FBXL18: variants seen among roughly 807,000 people sequenced by gnomAD.
The protein encoded by FBXL18 is F-box/LRR-repeat protein 18.
FBXL18 carries 36 observed loss-of-function variants against 46.0 expected under a neutral mutation model. That is an observed-to-expected ratio of 0.78 (90% CI 0.60 to 1.03). The LOEUF is 1.03. Ranked by LOEUF, FBXL18 falls within the 50% of genes least tolerant of loss-of-function variation. FBXL18 has a pLI of 0.00. For missense variants in FBXL18, 977 were observed against 1,004.1 expected, an observed-to-expected ratio of 0.97 and a Z score of 0.36; for synonymous variants, 557 against 465.3, an observed-to-expected ratio of 1.20 and a Z score of -2.54.
chr7:5,468,077 G>A (rs1460329443), intron 4 of FBXL18, among the ~76,000 whole-genome samples: 1 of 151,816 alleles, frequency 6.6e-6, no homozygotes, highest in Non-Finnish European at 1.5e-5. Context: ...CTGCCTCCCG[G>A]GTTCAAGCAA....
chr7:5,492,007 C>T (rs939853749), intron 3 of FBXL18, among the ~76,000 whole-genome samples: 1 of 151,404 alleles, frequency 6.6e-6, no homozygotes, highest in East Asian at 1.9e-4. Context: ...GCCACTTCAG[C>T]CACGACAGAT....
At chr7:5,467,225 C>T (rs939920869) in intron 4 of FBXL18, among the ~76,000 whole-genome samples, 37 of 152,228 alleles carry the variant, frequency 2.4e-4, no homozygotes, top group Non-Finnish European at 4.9e-4. Context: ...GTGGCGAGCG[C>T]CTGTAGTCCC....
chr7:5,480,179 C>T lies in FBXL18; in HGVS notation c.*1596G>A, dbSNP rs1403146080. Among the ~76,000 whole-genome samples, 1 of 152,168 alleles carries T rather than the reference C, an allele frequency of 6.6e-6. No homozygotes were observed. The highest frequency in any genetic ancestry group is 2.4e-5 in the African/African-American group (1 of 41,442). On this transcript the variant is annotated 3_prime_UTR_variant, in exon 5 of 5. Transcript: ENST00000382368. ...CAGCAAAGCAAATGTGAGACACCAC[C>T]CCACAGGACGGGGCATCTGTCACAC...
At chr7:5,468,294 T>C (rs962191540) in intron 4 of FBXL18, among the ~76,000 whole-genome samples, 9 of 152,162 alleles carry the variant, frequency 5.9e-5, no homozygotes, top group Admixed American at 1.3e-4. Context: ...TGTTTTTGTA[T>C]TTTTAGTAGA....
At chr7:5,468,136 C>G (rs942567262) in intron 4 of FBXL18, among the ~76,000 whole-genome samples, 1 of 152,158 alleles carries the variant, frequency 6.6e-6, no homozygotes, top group Non-Finnish European at 1.5e-5. Context: ...GCGCCCGCCA[C>G]CACACCCAGC....
intron 4 of FBXL18, among the ~76,000 whole-genome samples, chr7:5,461,320 G>A (rs4075996): frequency 0.77 from 117,826 of 152,216 alleles, 46,804 homozygotes; most frequent in East Asian, 0.95. Flanking sequence ...TAATCCCAGC[G>A]CTTTGGCAGG....
intron 1 of FBXL18, among the ~76,000 whole-genome samples, chr7:5,507,075 C>T (rs12532789): frequency 0.23 from 34,968 of 152,022 alleles, 4,617 homozygotes; most frequent in Middle Eastern, 0.31. Context: ...AAGACCACGC[C>T]GAGGAGAGAG....
chr7:5,511,129 G>A (rs1388413356), intron 1 of FBXL18, among the ~76,000 whole-genome samples: 1 of 152,122 alleles, frequency 6.6e-6, no homozygotes, highest in Non-Finnish European at 1.5e-5. Flanking sequence ...TTTCAAAAGT[G>A]AAGCAAAAGT....
chr7:5,500,599 C>T lies in FBXL18; in HGVS notation c.1670G>A (p.Cys557Tyr), dbSNP rs1316599473. 1.2e-6 allele frequency: 2 copies of T among 1,613,364 alleles called. No individual in the cohort carries two copies. Among genetic ancestry groups the T allele is most frequent in the Non-Finnish European group, 1.7e-6 (2 of 1,179,914 alleles). Residue 557 changes from cysteine (C) to tyrosine (Y), a missense_variant, in exon 3 of 5, where the codon TGC (cysteine) becomes TAC (tyrosine). Physicochemically the swap from Cys to Tyr is radical, Grantham distance 194 (BLOSUM62 -2). Transcript: ENST00000382368. ...CAGCGACAGGGACCGCAACTGCTGG[C>T]ACTGCAGGCCGATATTGACCAGCCC... ...GSGLVNIGLQ[C>Y]QQLRSLSLAN...
chr7:5,493,430 G>C (rs1264430082), intron 3 of FBXL18, among the ~76,000 whole-genome samples: 3 of 152,028 alleles, frequency 2.0e-5, no homozygotes, highest in Non-Finnish European at 4.4e-5. Flanking sequence ...CGAGTAGCTG[G>C]GACTACAGGC....
chr7:5,481,786 G>A lies in FBXL18; in HGVS notation c.2146C>T (p.Leu716=), dbSNP rs1194219085. The A allele has an allele frequency of 6.2e-7, 1 of 1,613,484 alleles. No individual in the cohort carries two copies. The highest frequency in any genetic ancestry group is 8.5e-7 in the Non-Finnish European group (1 of 1,179,972). ...GGCGGCTCCGCCTCTCACCACCACA[G>A]GTTCGGCGGTTCCTCGGCCACTCTG... ...KSRVAEEPPN[L]WW The change falls in exon 5 of 5, where the codon CTG becomes TTG. Residue 716 remains leucine, a synonymous_variant. Transcript: ENST00000382368.
intron 4 of FBXL18, among the ~76,000 whole-genome samples, chr7:5,461,842 G>A (rs1192139428): frequency 6.6e-6 from 1 of 152,204 alleles, no homozygotes; most frequent in African/African-American, 2.4e-5. Flanking sequence ...TCGAGAGGCT[G>A]AGGCAGGAGA....
chr7:5,507,417 C>T (rs990620591), intron 1 of FBXL18, among the ~76,000 whole-genome samples: 3 of 152,110 alleles, frequency 2.0e-5, no homozygotes, highest in African/African-American at 2.4e-5. Flanking sequence ...CAAAGAAGTA[C>T]CCTCCATCCT....
intron 4 of FBXL18, among the ~76,000 whole-genome samples, chr7:5,470,079 G>T (rs1003426960): frequency 6.6e-6 from 1 of 152,122 alleles, no homozygotes; most frequent in Non-Finnish European, 1.5e-5. Context: ...CCAGTCTGCG[G>T]GCGTGGGTGA....
downstream of FBXL18, among the ~76,000 whole-genome samples, chr7:5,474,625 C>T (rs1009408668): frequency 3.0e-5 from 4 of 134,472 alleles, no homozygotes; most frequent in South Asian, 2.4e-4. Flanking sequence ...TTGAACTATG[C>T]ACTTTATTTT....
intron 2 of FBXL18, among the ~76,000 whole-genome samples, chr7:5,503,689 C>T (rs1784324139): frequency 6.6e-6 from 1 of 152,094 alleles, no homozygotes; most frequent in Admixed American, 6.6e-5. Flanking sequence ...ATGCTCCAGG[C>T]CAGGCACAGT....
chr7:5,512,293 T>G (rs1784559453), intron 1 of FBXL18, among the ~76,000 whole-genome samples: 1 of 117,530 alleles, frequency 8.5e-6, no homozygotes, highest in Non-Finnish European at 1.7e-5. Context: ...TGTGAAGTGT[T>G]ATTTAAAAAA....
intron 4 of FBXL18, among the ~76,000 whole-genome samples, chr7:5,462,307 G>C (rs756986727): frequency 6.6e-6 from 1 of 152,280 alleles, no homozygotes; most frequent in East Asian, 1.9e-4. Context: ...TCATTTTACA[G>C]AGAAAAAATG....
chr7:5,491,908 G>A (rs921839841), intron 3 of FBXL18, among the ~76,000 whole-genome samples: 2 of 152,034 alleles, frequency 1.3e-5, no homozygotes, highest in African/African-American at 4.8e-5. Context: ...GAGAGAGGGC[G>A]GTAATCCGGG....
Sources: allele counts gnomAD v4.1 joint callset (sites outside exome capture counted in the v4.1 genomes callset), GRCh38; gene constraint gnomAD v4.1.1; transcripts MANE v1.5; gene names NCBI Gene and HGNC (gene_info 2026-07-23, HGNC 2026-07-21).